CYP19A1: variants seen among roughly 807,000 people sequenced by gnomAD.
CYP19A1 encodes aromatase.
CYP19A1 carries 32 observed loss-of-function variants against 44.4 expected under a neutral mutation model. That is an observed-to-expected ratio of 0.72 (90% CI 0.54 to 0.97). CYP19A1 has a LOEUF of 0.97. Among genes scored for constraint, CYP19A1 ranks in the 50% least tolerant of loss-of-function variants. The probability of loss-of-function intolerance (pLI) is 0.00; values close to 1 mark genes in which losing one functional copy is unlikely to be tolerated. For missense variants in CYP19A1, 598 were observed against 637.8 expected (o/e 0.94, Z 0.67); for synonymous variants, 212 against 215.6 (o/e 0.98, Z 0.14).
chr15:51,264,312 G>A (rs188181456), intron 1 of CYP19A1, among the ~76,000 whole-genome samples: 10 of 152,282 alleles, frequency 6.6e-5, no homozygotes, highest in African/African-American at 2.4e-4. Flanking sequence ...TCATGGAACT[G>A]GGTAGTCAGG....
chr15:51,291,159 G>A (rs1226540841), intron 1 of CYP19A1, among the ~76,000 whole-genome samples: 2 of 152,214 alleles, frequency 1.3e-5, no homozygotes, highest in African/African-American at 4.8e-5. Flanking sequence ...GGAACTGAGA[G>A]TGGGGGCACT....
chr15:51,276,834 T>C (rs749243378), intron 1 of CYP19A1, among the ~76,000 whole-genome samples: 6 of 152,334 alleles, frequency 3.9e-5, no homozygotes, highest in South Asian at 4.1e-4. Context: ...TAATGTGCTA[T>C]TGAGGTGCCT....
chr15:51,300,610 A>C (rs2036092529), intron 1 of CYP19A1, among the ~76,000 whole-genome samples: 1 of 152,016 alleles, frequency 6.6e-6, no homozygotes, highest in Non-Finnish European at 1.5e-5. Flanking sequence ...GAGCTCCAGA[A>C]CCCCCTGTGC....
chr15:51,332,704 G>A (rs2036720133), intron 1 of CYP19A1, among the ~76,000 whole-genome samples: 1 of 152,100 alleles, frequency 6.6e-6, no homozygotes, highest in African/African-American at 2.4e-5. Context: ...ATGTTTCCTT[G>A]ACCCTGACAG....
At chr15:51,294,878 A>T (rs2032858951) in intron 1 of CYP19A1, among the ~76,000 whole-genome samples, 1 of 152,086 alleles carries the variant, frequency 6.6e-6, no homozygotes, top group African/African-American at 2.4e-5. Flanking sequence ...GTGGAATAGA[A>T]AAGGGGGAAA....
chr15:51,322,470 G>C (rs960666891), intron 1 of CYP19A1, among the ~76,000 whole-genome samples: 1 of 152,196 alleles, frequency 6.6e-6, no homozygotes, highest in Admixed American at 6.5e-5. Context: ...TAAATTTTAT[G>C]TAAGAGTTTA....
chr15:51,238,926 A>G (rs2033581047), intron 2 of CYP19A1, among the ~76,000 whole-genome samples: 1 of 152,208 alleles, frequency 6.6e-6, no homozygotes, highest in Admixed American at 6.5e-5. Context: ...TCCCCATCAG[A>G]GTCTAGGGGC....
chr15:51,238,006 G>T, intron 2 of CYP19A1, among the ~76,000 whole-genome samples: 1 of 152,198 alleles, frequency 6.6e-6, no homozygotes, highest in East Asian at 1.9e-4. Context: ...CAAAAGTTGT[G>T]TAATAATATA....
intron 1 of CYP19A1, among the ~76,000 whole-genome samples, chr15:51,306,290 T>C (rs1268249550): frequency 6.6e-6 from 1 of 152,206 alleles, no homozygotes; most frequent in African/African-American, 2.4e-5. Context: ...TTTCAGAATA[T>C]TGGAGAAATA....
chr15:51,264,188 C>T (rs1227129352), intron 1 of CYP19A1, among the ~76,000 whole-genome samples: 2 of 152,020 alleles, frequency 1.3e-5, no homozygotes, highest in African/African-American at 2.4e-5. Flanking sequence ...AGGGTGGTGG[C>T]AAGAGAATGA....
intron 1 of CYP19A1, chr15:51,323,708 A>G (rs961942775): frequency 6.6e-6 from 1 of 152,134 alleles, no homozygotes; most frequent in African/African-American, 2.4e-5. Context: ...TGTCATCTTC[A>G]TCTCAGCCCT....
intron 4 of CYP19A1, among the ~76,000 whole-genome samples, chr15:51,227,033 G>A (rs764604072): frequency 6.6e-6 from 1 of 152,080 alleles, no homozygotes; most frequent in Non-Finnish European, 1.5e-5. Context: ...GTTTGGCCGT[G>A]TTTAAATCAA....
rs2030817170 is a variant in CYP19A1 at position 51,210,421 on chromosome 15, G to A, written c.*387C>T. ...GGCCTGGTCTTTCTAATCAACTTGA[G>A]TGTTTCTGCCCCAGACATAAAAATC... On this transcript the variant is annotated 3_prime_UTR_variant, in exon 10 of 10. Coordinates refer to ENST00000396402, the MANE Select transcript of CYP19A1 (RefSeq NM_000103.4). The A allele has an allele frequency of 3.9e-6, 2 of 513,584 alleles. No homozygotes were observed. The highest frequency in any genetic ancestry group is 1.9e-5 in the African/African-American group (1 of 52,674). The allele number at this position is 513,584 out of a possible 1,614,324, so 31.8% of individuals were successfully genotyped here. A position where few individuals can be genotyped will look rare whatever the true frequency, so the allele number is the denominator to read the frequency against.
intron 1 of CYP19A1, among the ~76,000 whole-genome samples, chr15:51,305,217 T>C (rs186429137): frequency 1.3e-5 from 2 of 152,230 alleles, no homozygotes; most frequent in African/African-American, 2.4e-5. Flanking sequence ...TTCCTTTCAA[T>C]GTAGGATGTC....
chr15:51,216,623 C>G lies in CYP19A1; in HGVS notation c.744-806G>C, dbSNP rs569590329. ...TGAGATTCCTGTTCTAAACAGTAAA[C>G]TCCAGTGACTAGGTATCATTCTTGA... On this transcript the variant is annotated intron_variant, in intron 6 of 9. Transcript: ENST00000396402. 1.8e-4 allele frequency among the ~76,000 whole-genome samples: 27 copies of G among 152,328 alleles called. 1 individual carries two copies. Among genetic ancestry groups the G allele is most frequent in the African/African-American group, 6.3e-4 (26 of 41,576 alleles).
At chr15:51,281,396 G>A (rs530128857) in intron 1 of CYP19A1, among the ~76,000 whole-genome samples, 22 of 152,220 alleles carry the variant, frequency 1.4e-4, no homozygotes, top group Non-Finnish European at 3.1e-4. Flanking sequence ...CTACGCAAGG[G>A]GGCTTTTTCC....
intron 1 of CYP19A1, among the ~76,000 whole-genome samples, chr15:51,291,699 T>C (rs947903243): frequency 5.9e-5 from 9 of 152,194 alleles, no homozygotes; most frequent in Non-Finnish European, 1.5e-5. Context: ...GAGATGACTC[T>C]GGGAGTCTGT....
rs570276924 is a variant in CYP19A1, at chr15:51,316,939, A to G, written c.-39+21556T>C. On this transcript the variant is annotated intron_variant, in intron 1 of 9. Coordinates refer to ENST00000396402, the MANE Select transcript of CYP19A1 (RefSeq NM_000103.4). ...CATCCTTTGCTGGCTAAATGAGAAT[A>G]AGATGTCTGAAACCCAGGCAGCCAT... is the stretch of plus-strand genomic sequence containing the variant. Among the ~76,000 whole-genome samples, 90 of 152,216 alleles carry G rather than the reference A, an allele frequency of 5.9e-4. 1 individual carries two copies. Among genetic ancestry groups the G allele is most frequent in the African/African-American group, 2.1e-3 (86 of 41,532 alleles).
Position 51,208,197 on chromosome 15 carries a change from A to T in CYP19A1, c.*2611T>A, listed in dbSNP as rs1231376108. ...GCACATGCTTTTGTGGAACATTAGC[A>T]TCATGAACAGTGAAAGGTGCTGCTT... On this transcript the variant is annotated 3_prime_UTR_variant, in exon 10 of 10. Coordinates refer to ENST00000396402, the MANE Select transcript of CYP19A1 (RefSeq NM_000103.4). 6.6e-6 allele frequency: 1 copy of T among 152,196 alleles called. No homozygotes were observed. Among genetic ancestry groups the T allele is most frequent in the Non-Finnish European group, 1.5e-5 (1 of 68,028 alleles). The allele number at this position is 152,196 out of a possible 1,614,324, so 9.4% of individuals were successfully genotyped here. A position where few individuals can be genotyped will look rare whatever the true frequency, so the allele number is the denominator to read the frequency against.
Sources: gnomAD v4.1 joint callset for allele counts (sites outside exome capture counted in the v4.1 genomes callset) on GRCh38, gnomAD v4.1.1 for gene constraint, MANE v1.5 for transcripts, NCBI Gene and HGNC (gene_info 2026-07-23, HGNC 2026-07-21) for gene names.